SPAG16: variants seen among roughly 807,000 people sequenced by gnomAD.
SPAG16 encodes the protein sperm associated antigen 16.
In SPAG16, 86 loss-of-function variants were observed where a neutral mutation model predicts 80.4. The observed-to-expected ratio is 1.07, with a 90% CI of 0.90 to 1.28. The LOEUF (loss-of-function observed/expected upper bound fraction) is 1.28, where lower values mean the gene tolerates loss of function less well. Among genes scored for constraint, SPAG16 ranks in the 50% most tolerant of loss-of-function variants. The pLI is 0.00. For synonymous variants in SPAG16, 294 were observed against 265.9 expected, an observed-to-expected ratio of 1.11 and a Z score of -1.03; for missense variants, 870 against 765.3, an observed-to-expected ratio of 1.14 and a Z score of -1.61.
At chr2:213,544,187 G>T (rs1246978988) in intron 10 of SPAG16, among the ~76,000 whole-genome samples, 1 of 151,004 alleles carries the variant, frequency 6.6e-6, no homozygotes, top group African/African-American at 2.4e-5. Flanking sequence ...TAACTTCTTT[G>T]ACTTTATCTT....
intron 14 of SPAG16, among the ~76,000 whole-genome samples, chr2:214,108,479 A>ACACACACACACAC (rs71409874): frequency 1.9e-5 from 1 of 52,374 alleles, no homozygotes; most frequent in Admixed American, 1.5e-4. Flanking sequence ...ACACACACAC[A>ACACACACACACAC]CCCCCACACA....
intron 13 of SPAG16, among the ~76,000 whole-genome samples, chr2:214,098,967 A>G (rs1362771223): frequency 6.6e-6 from 1 of 152,096 alleles, no homozygotes; most frequent in East Asian, 1.9e-4. Context: ...CATTAGAAAC[A>G]TGTTCACTGT....
intron 10 of SPAG16, among the ~76,000 whole-genome samples, chr2:213,504,931 T>C (rs187877754): frequency 6.6e-6 from 1 of 152,252 alleles, no homozygotes; most frequent in Non-Finnish European, 1.5e-5. Flanking sequence ...AAAAAATTCA[T>C]GCCCTTCGGA....
intron 15 of SPAG16, among the ~76,000 whole-genome samples, chr2:214,397,092 G>A (rs1378596679): frequency 6.6e-6 from 1 of 150,904 alleles, no homozygotes; most frequent in Admixed American, 6.6e-5. Flanking sequence ...ATGCCACTGA[G>A]ATATTAATAA....
intron 15 of SPAG16, among the ~76,000 whole-genome samples, chr2:214,217,058 A>G (rs2058449205): frequency 6.6e-6 from 1 of 152,232 alleles, no homozygotes; most frequent in Non-Finnish European, 1.5e-5. Context: ...GATAAGGAAC[A>G]ATGATTTATA....
At chr2:213,520,084 GCA>G (rs1409481652) in intron 10 of SPAG16, among the ~76,000 whole-genome samples, 5 of 133,098 alleles carry the variant, frequency 3.8e-5, no homozygotes, top group Non-Finnish European at 8.7e-5. Flanking sequence ...GAGAGCAAGA[GCA>G]AGAGAGAGAG....
chr2:213,531,978 A>G (rs779984890), intron 10 of SPAG16, among the ~76,000 whole-genome samples: 33 of 152,214 alleles, frequency 2.2e-4, no homozygotes, highest in Non-Finnish European at 3.8e-4. Context: ...AAACACCCAA[A>G]AAAACACTGA....
At chr2:213,822,979 T>A (rs570038042) in intron 10 of SPAG16, among the ~76,000 whole-genome samples, 1 of 152,354 alleles carries the variant, frequency 6.6e-6, no homozygotes, top group South Asian at 2.1e-4. Flanking sequence ...CTATCATTGA[T>A]GGGAATTTGG....
At chr2:213,623,352 A>T (rs556819682) in intron 10 of SPAG16, among the ~76,000 whole-genome samples, 18 of 152,242 alleles carry the variant, frequency 1.2e-4, no homozygotes, top group Admixed American at 1.2e-3. Flanking sequence ...TGAACTATGA[A>T]TTCTATGCTT....
intron 10 of SPAG16, among the ~76,000 whole-genome samples, chr2:213,582,530 G>A (rs751881767): frequency 3.9e-5 from 6 of 152,074 alleles, no homozygotes; most frequent in African/African-American, 7.2e-5. Context: ...GGGCAAGAAC[G>A]AAGATAGAAA....
intron 13 of SPAG16, among the ~76,000 whole-genome samples, chr2:214,016,160 C>T (rs148701734): frequency 2.6e-5 from 4 of 152,038 alleles, no homozygotes; most frequent in Non-Finnish European, 5.9e-5. Context: ...GTGTTTTAGT[C>T]TGTTCTCACC....
chr2:214,135,353 T>G (rs570007172), intron 14 of SPAG16, among the ~76,000 whole-genome samples: 1 of 152,336 alleles, frequency 6.6e-6, no homozygotes, highest in East Asian at 1.9e-4. Context: ...AACACCTGCT[T>G]GCTTGATTTG....
At chr2:213,773,794 C>T (rs1206139033) in intron 10 of SPAG16, among the ~76,000 whole-genome samples, 1 of 151,958 alleles carries the variant, frequency 6.6e-6, no homozygotes, top group Non-Finnish European at 1.5e-5. Flanking sequence ...CCTTGTGATC[C>T]ACCCGCCTCA....
At chr2:213,860,450 T>A (rs1188384169) in intron 10 of SPAG16, among the ~76,000 whole-genome samples, 1 of 124,498 alleles carries the variant, frequency 8.0e-6, no homozygotes, top group Admixed American at 8.5e-5. Flanking sequence ...TAGATATATG[T>A]ATATATATAC....
intron 10 of SPAG16, among the ~76,000 whole-genome samples, chr2:213,654,784 A>G (rs190163264): frequency 7.2e-4 from 109 of 152,236 alleles, no homozygotes; most frequent in Admixed American, 3.1e-3. Context: ...CAGTTCTCCT[A>G]CAACTAGAAA....
intron 15 of SPAG16, among the ~76,000 whole-genome samples, chr2:214,176,725 A>G (rs2057096517): frequency 6.6e-6 from 1 of 150,970 alleles, no homozygotes; most frequent in South Asian, 2.1e-4. Context: ...GTGATGGTCA[A>G]TTTCTTTTAA....
chr2:214,195,859 C>A (rs1477101265), intron 15 of SPAG16, among the ~76,000 whole-genome samples: 1 of 151,964 alleles, frequency 6.6e-6, no homozygotes, highest in African/African-American at 2.4e-5. Flanking sequence ...TTTGAAGTCA[C>A]CAACATTATG....
At chr2:213,582,754 G>T (rs1444861886) in intron 10 of SPAG16, among the ~76,000 whole-genome samples, 1 of 152,132 alleles carries the variant, frequency 6.6e-6, no homozygotes, top group Non-Finnish European at 1.5e-5. Flanking sequence ...TTAGGTTACT[G>T]TCTTTGGTCC....
chr2:213,392,847 TAA>T (rs570666549), intron 9 of SPAG16, among the ~76,000 whole-genome samples: 3 of 140,948 alleles, frequency 2.1e-5, no homozygotes, highest in Non-Finnish European at 1.6e-5. Flanking sequence ...CTCTGTCTCT[TAA>T]AAAAAAAAAA....
Sources: allele counts gnomAD v4.1 joint callset (sites outside exome capture counted in the v4.1 genomes callset), GRCh38; gene constraint gnomAD v4.1.1; transcripts MANE v1.5; gene names NCBI Gene and HGNC (gene_info 2026-07-23, HGNC 2026-07-21).